The following DGLUCY variants were observed in gnomAD, a reference collection of about 807,000 sequenced individuals.
DGLUCY encodes the protein D-glutamate cyclase, mitochondrial.
In DGLUCY, 58 loss-of-function variants were observed where a neutral mutation model predicts 58.5. The observed-to-expected ratio is 0.99, with a 90% CI of 0.80 to 1.23. The LOEUF (loss-of-function observed/expected upper bound fraction) is 1.23. Ranked by LOEUF, DGLUCY falls within the 50% of genes most tolerant of loss-of-function variation. The pLI is 0.00. For synonymous variants in DGLUCY, 325 were observed against 314.1 expected (o/e 1.03, Z -0.37); for missense variants, 779 against 784.7 (o/e 0.99, Z 0.09).
At chr14:91,185,466 G>A (rs1020432396) in intron 8 of DGLUCY, 3 of 149,624 alleles carry the variant, frequency 2.0e-5, no homozygotes, top group Admixed American at 1.3e-4. Flanking sequence ...ATTTTTTTTT[G>A]TAGAGATGGG....
chr14:91,174,148 A>G (rs150853269), intron 6 of DGLUCY, among the ~76,000 whole-genome samples: 154 of 152,254 alleles, frequency 1.0e-3, no homozygotes, highest in African/African-American at 3.6e-3. Context: ...CCAAGAGGAT[A>G]GGCTTCAGTG....
chr14:91,068,079 GCA>G (rs57428509), intron 1 of DGLUCY, among the ~76,000 whole-genome samples: 22,206 of 146,194 alleles, frequency 0.15, 1,723 homozygotes, highest in Middle Eastern at 0.2. Context: ...ACACGCGCAC[GCA>G]CACACACACA....
intron 3 of DGLUCY, among the ~76,000 whole-genome samples, chr14:91,166,055 T>C (rs1273576225): frequency 6.6e-6 from 1 of 152,146 alleles, no homozygotes. Context: ...CAAAATATAT[T>C]GAGTGAGAGA....
chr14:91,220,645 C>T (rs888256092), intron 13 of DGLUCY: 7 of 456,278 alleles, frequency 1.5e-5, no homozygotes, highest in East Asian at 1.4e-4. Context: ...CCGTTTCTCC[C>T]GCTGCCACAC....
intron 1 of DGLUCY, among the ~76,000 whole-genome samples, chr14:91,062,598 TATATATATATATA>T (rs1399579771): frequency 0.024 from 693 of 29,226 alleles, 90 homozygotes; most frequent in African/African-American, 0.088. Context: ...TATATATATA[TATATATATATATA>T]AACAATCCTT....
chr14:91,204,651 GCCTCCC>G, intron 11 of DGLUCY, 49 bp from the exon 12 acceptor site: 1 of 1,594,628 alleles, frequency 6.3e-7, no homozygotes, highest in Non-Finnish European at 8.6e-7. Flanking sequence ...CTTGCTTCAG[GCCTCCC>G]CCATTTTGCC....
chr14:91,090,055 G>A (rs1349625655), intron 1 of DGLUCY, among the ~76,000 whole-genome samples: 1 of 152,158 alleles, frequency 6.6e-6, no homozygotes, highest in African/African-American at 2.4e-5. Context: ...GTGGGGCCCT[G>A]ACGAAGGAGG....
intron 5 of DGLUCY, among the ~76,000 whole-genome samples, chr14:91,172,751 G>A (rs890648955): frequency 2.6e-5 from 4 of 151,196 alleles, no homozygotes; most frequent in South Asian, 2.1e-4. Context: ...GGTTCAAGCC[G>A]TTCTCCTGCC....
chr14:91,179,945 G>A (rs1271996945), intron 7 of DGLUCY, among the ~76,000 whole-genome samples: 1 of 121,848 alleles, frequency 8.2e-6, no homozygotes, highest in Non-Finnish European at 1.6e-5. Context: ...AGGCTGGAGT[G>A]CAGTGACGTG....
At chr14:91,130,839 T>G (rs2045987804) in intron 1 of DGLUCY, among the ~76,000 whole-genome samples, 1 of 152,192 alleles carries the variant, frequency 6.6e-6, no homozygotes, top group African/African-American at 2.4e-5. Flanking sequence ...GTACTGTAAA[T>G]GCCTGTTTAT....
At chr14:91,190,239 G>T (rs932058394) in intron 9 of DGLUCY, among the ~76,000 whole-genome samples, 4 of 151,754 alleles carry the variant, frequency 2.6e-5, no homozygotes, top group Admixed American at 2.6e-4. Flanking sequence ...CGCCCGCCTC[G>T]GCCTCCCAAA....
chr14:91,195,841 T>G (rs1206663940), intron 9 of DGLUCY, among the ~76,000 whole-genome samples: 1 of 151,984 alleles, frequency 6.6e-6, no homozygotes, highest in Non-Finnish European at 1.5e-5. Context: ...GGGCTAATTT[T>G]TTGTATTTTT....
At chr14:91,160,071 T>C (rs1220272211) in intron 2 of DGLUCY, among the ~76,000 whole-genome samples, 195 bp from the exon 3 acceptor site, 1 of 152,050 alleles carries the variant, frequency 6.6e-6, no homozygotes. Flanking sequence ...GAAGTTTGCG[T>C]TAGGAATTTC....
intron 2 of DGLUCY, among the ~76,000 whole-genome samples, chr14:91,159,378 C>A (rs560212640): frequency 6.6e-6 from 1 of 152,114 alleles, no homozygotes; most frequent in African/African-American, 2.4e-5. Context: ...AGCCAGGAGG[C>A]GGAAGTTGCA....
At chr14:91,221,702 C>T (rs1887546197) in intron 13 of DGLUCY, among the ~76,000 whole-genome samples, 1 of 152,084 alleles carries the variant, frequency 6.6e-6, no homozygotes, top group Non-Finnish European at 1.5e-5. Flanking sequence ...TCTGGGCTCC[C>T]ATTCTCTTTC....
At chr14:91,077,823 A>T (rs1045367193) in intron 1 of DGLUCY, among the ~76,000 whole-genome samples, 10 of 150,904 alleles carry the variant, frequency 6.6e-5, no homozygotes, top group African/African-American at 2.4e-4. Context: ...GAGAGAAAGA[A>T]AGAGAAAGAG....
In DGLUCY at chr14:91,222,866, T is replaced by C. The variant is rs140005634; in HGVS notation, c.1717-1818T>C. Among the ~76,000 whole-genome samples the C allele has an allele frequency of 2.2e-3, 342 of 152,312 alleles. 1 individual carries two copies. Among genetic ancestry groups the C allele is most frequent in the South Asian group, 3.9e-3 (19 of 4,830 alleles). On this transcript the variant is annotated intron_variant, in intron 13 of 13. Transcript: ENST00000256324. ...GAGATTGGGAAGTCCAACATCAAGG[T>C]GCCAGTAGTTTTGATTCACTGGTGG... is the stretch of plus-strand genomic sequence containing the variant.
intron 1 of DGLUCY, among the ~76,000 whole-genome samples, chr14:91,154,033 G>A (rs1038710083): frequency 1.6e-4 from 24 of 152,168 alleles, no homozygotes; most frequent in Admixed American, 5.2e-4. Context: ...AGCCTCCCAA[G>A]TAGCTGGAAT....
chr14:91,068,115 A>ACACACACACCCACC (rs1236523220), intron 1 of DGLUCY, among the ~76,000 whole-genome samples: 1 of 140,154 alleles, frequency 7.1e-6, no homozygotes, highest in Admixed American at 6.9e-5. Context: ...ACACACACAC[A>ACACACACACCCACC]CCCCTTGCAT....
Sources: gnomAD v4.1 joint callset for allele counts (sites outside exome capture counted in the v4.1 genomes callset) on GRCh38, gnomAD v4.1.1 for gene constraint, MANE v1.5 for transcripts, NCBI Gene and HGNC (gene_info 2026-07-23, HGNC 2026-07-21) for gene names.